Variants in GFOD1 observed in about 807,000 individuals in gnomAD.
The protein encoded by GFOD1 is Gfo/Idh/MocA-like oxidoreductase domain containing 1.
A neutral mutation model predicts 25.4 loss-of-function variants in GFOD1; 9 were observed. The ratio of observed to expected loss-of-function variants is 0.35; its 90% confidence interval spans 0.21 to 0.62. The LOEUF (loss-of-function observed/expected upper bound fraction) is 0.62. Among genes scored for constraint, GFOD1 ranks in the 20% least tolerant of loss-of-function variants. The pLI is 0.72. For missense variants in GFOD1, 403 were observed against 556.9 expected, an observed-to-expected ratio of 0.72 and a Z score of 2.78; for synonymous variants, 253 against 245.6, an observed-to-expected ratio of 1.03 and a Z score of -0.28.
rs116737234 is a variant in GFOD1, at chr6:13,467,560, C to A, written c.253+19078G>T. ...GTTTGACTGAAAAGAAACCTGCCTG[C>A]AAAGAAAAGGGGAAATAAAAAATGG... On this transcript the variant is annotated intron_variant, in intron 1 of 1. Coordinates refer to ENST00000379287, the MANE Select transcript of GFOD1 (RefSeq NM_018988.4). Among the ~76,000 whole-genome samples, 747 of 152,228 alleles carry A rather than the reference C, an allele frequency of 4.9e-3. 6 individuals are homozygous for A. Among genetic ancestry groups the A allele is most frequent in the African/African-American group, 0.017 (711 of 41,530 alleles).
intron 1 of GFOD1, among the ~76,000 whole-genome samples, chr6:13,383,365 C>T (rs1785403225): frequency 6.6e-6 from 1 of 152,212 alleles, no homozygotes; most frequent in Non-Finnish European, 1.5e-5. Context: ...GGGAAACATT[C>T]TGTTACTTGA....
intron 1 of GFOD1, among the ~76,000 whole-genome samples, chr6:13,455,451 A>G (rs1474524142): frequency 6.6e-6 from 1 of 152,200 alleles, no homozygotes; most frequent in Non-Finnish European, 1.5e-5. Flanking sequence ...GAATTGAATT[A>G]TAAAAACACC....
intron 1 of GFOD1, among the ~76,000 whole-genome samples, chr6:13,411,338 C>T (rs2127566157): frequency 6.6e-6 from 1 of 152,326 alleles, no homozygotes; most frequent in Non-Finnish European, 1.5e-5. Flanking sequence ...GTCAGCCAGG[C>T]TGGAGTGCAG....
chr6:13,461,204 C>T (rs533088197), intron 1 of GFOD1, among the ~76,000 whole-genome samples: 1 of 152,332 alleles, frequency 6.6e-6, no homozygotes, highest in East Asian at 1.9e-4. Context: ...TGTTTGCAGT[C>T]TCCTTCACAG....
chr6:13,434,961 C>T (rs1366241639), intron 1 of GFOD1, among the ~76,000 whole-genome samples: 2 of 152,210 alleles, frequency 1.3e-5, no homozygotes, highest in African/African-American at 2.4e-5. Flanking sequence ...ACATCCTGAG[C>T]GGCACATGTC....
chr6:13,447,515 T>A (rs542085869), intron 1 of GFOD1, among the ~76,000 whole-genome samples: 1 of 152,154 alleles, frequency 6.6e-6, no homozygotes, highest in Non-Finnish European at 1.5e-5. Context: ...GGTAGGCAGA[T>A]CACTTGAGGT....
intron 1 of GFOD1, among the ~76,000 whole-genome samples, chr6:13,436,245 T>G (rs1188565151): frequency 6.6e-6 from 1 of 152,228 alleles, no homozygotes; most frequent in African/African-American, 2.4e-5. Context: ...TAAATAAACT[T>G]TAATTTAAAA....
Position 13,371,894 on chromosome 6 carries a change from C to T in GFOD1, c.254-6232G>A, listed in dbSNP as rs779171259. Among the ~76,000 whole-genome samples, 3 of 152,160 alleles carry T rather than the reference C, an allele frequency of 2.0e-5. 1 individual carries two copies. The highest frequency in any genetic ancestry group is 2.4e-5 in the African/African-American group (1 of 41,416). On this transcript the variant is annotated intron_variant, in intron 1 of 1. Transcript: ENST00000379287. ...AGAAATGGCTGTCTTGGAGGGTTGC[C>T]GCATCTGTCAATGTGATGCAGTGTG...
intron 1 of GFOD1, among the ~76,000 whole-genome samples, chr6:13,460,595 T>C (rs1397060787): frequency 1.3e-5 from 2 of 151,714 alleles, no homozygotes; most frequent in African/African-American, 4.8e-5. Context: ...TGTTCTAACT[T>C]ATAAGTGGGA....
At chr6:13,454,786 G>A (rs1331636933) in intron 1 of GFOD1, among the ~76,000 whole-genome samples, 3 of 152,314 alleles carry the variant, frequency 2.0e-5, no homozygotes, top group African/African-American at 7.2e-5. Flanking sequence ...GGCAGCTGGG[G>A]ACCACTGTCA....
intron 1 of GFOD1, among the ~76,000 whole-genome samples, chr6:13,447,233 C>T (rs565551965): frequency 2.6e-5 from 4 of 152,288 alleles, no homozygotes; most frequent in Admixed American, 2.6e-4. Flanking sequence ...GGAAAATCTG[C>T]TCCAGGCCTC....
At position 13,487,064 on chromosome 6, in the gene GFOD1, C is replaced by T. The variant is rs1758889523; in HGVS notation, c.-174G>A. 3 of 717,428 alleles carry T rather than the reference C, an allele frequency of 4.2e-6. No homozygotes were observed. The highest frequency in any genetic ancestry group is 1.8e-5 in the African/African-American group (1 of 55,808). The allele number at this position is 717,428 out of a possible 1,614,324, so 44.4% of individuals were successfully genotyped here. On this transcript the variant is annotated 5_prime_UTR_variant, in exon 1 of 2. Transcript: ENST00000379287. This position sits in a 1 kb window ranked among gnomAD's most constrained non-coding sequence, Gnocchi z 4.9. ...TGCCCAGAGCGCACCGAGCTGCAGG[C>T]GGAGCAAGCTCGGGGCGCCTCAGAA... is the stretch of plus-strand genomic sequence containing the variant.
intron 1 of GFOD1, chr6:13,469,664 C>T: frequency 5.1e-6 from 6 of 1,170,970 alleles, no homozygotes; most frequent in Non-Finnish European, 6.4e-6. Flanking sequence ...ACTGCAAAGA[C>T]CTACAGTTAT....
intron 1 of GFOD1, among the ~76,000 whole-genome samples, chr6:13,420,808 A>T (rs1372077): frequency 0.98 from 149,880 of 152,354 alleles, 73,778 homozygotes; most frequent in Middle Eastern, 1. Flanking sequence ...TTCCTTTGTG[A>T]GGGAGTATAA....
In GFOD1 at chr6:13,362,187, G is replaced by A. The variant is rs957194131; in HGVS notation, c.*2556C>T. On this transcript the variant is annotated 3_prime_UTR_variant, in exon 2 of 2. Coordinates refer to ENST00000379287, the MANE Select transcript of GFOD1 (RefSeq NM_018988.4). ...ATTTAGAAGAACCAGAATCAGCTGG[G>A]TGTGGTGGCTCACGCCTGCAACCCC... The A allele has an allele frequency of 5.3e-5, 8 of 152,128 alleles. No individual in the cohort carries two copies. The highest frequency in any genetic ancestry group is 1.9e-4 in the African/African-American group (8 of 41,422). 9.4% of individuals were successfully genotyped at this position (152,128 alleles called of 1,614,324 possible). A position where few individuals can be genotyped will look rare whatever the true frequency, so the allele number is the denominator to read the frequency against.
chr6:13,393,013 G>A (rs377733389), intron 1 of GFOD1, among the ~76,000 whole-genome samples: 75 of 152,166 alleles, frequency 4.9e-4, no homozygotes, highest in African/African-American at 1.8e-3. Context: ...AGTGAGCTAT[G>A]ACTGTGCCAT....
intron 1 of GFOD1, among the ~76,000 whole-genome samples, chr6:13,379,212 T>C (rs1184532850): frequency 6.6e-6 from 1 of 152,152 alleles, no homozygotes; most frequent in Non-Finnish European, 1.5e-5. Context: ...GGAAAGGTAG[T>C]AGAGATGTGT....
chr6:13,433,864 G>C (rs1311437737), intron 1 of GFOD1, among the ~76,000 whole-genome samples: 1 of 152,150 alleles, frequency 6.6e-6, no homozygotes, highest in African/African-American at 2.4e-5. Flanking sequence ...TCCCATTAAG[G>C]CTCCCTCAGC....
At chr6:13,450,987 G>C (rs183598975) in intron 1 of GFOD1, among the ~76,000 whole-genome samples, 6 of 152,282 alleles carry the variant, frequency 3.9e-5, no homozygotes, top group Admixed American at 3.3e-4. Context: ...TTTGTGATTG[G>C]TTGTCCTTGT....
Sources: gnomAD v4.1 joint callset for allele counts (sites outside exome capture counted in the v4.1 genomes callset) on GRCh38, gnomAD v4.1.1 for gene constraint, Gnocchi (gnomAD v3.1) non-coding constraint, MANE v1.5 for transcripts, NCBI Gene and HGNC (gene_info 2026-07-23, HGNC 2026-07-21) for gene names.